Variants in KHDRBS2 observed in about 807,000 individuals in gnomAD.
KHDRBS2 encodes the protein KH RNA binding domain containing, signal transduction associated 2.
In KHDRBS2, 26 loss-of-function variants were observed where a neutral mutation model predicts 44.3. The observed-to-expected ratio is 0.59, with a 90% CI of 0.43 to 0.81. KHDRBS2 has a LOEUF of 0.81. Ranked by LOEUF, KHDRBS2 falls within the 40% of genes least tolerant of loss-of-function variation. The pLI is 0.00. For missense variants in KHDRBS2, 476 were observed against 433.1 expected, an observed-to-expected ratio of 1.10 and a Z score of -0.88; for synonymous variants, 194 against 151.1, an observed-to-expected ratio of 1.28 and a Z score of -2.08.
chr6:61,789,907 G>C (rs1403253205), intron 6 of KHDRBS2, among the ~76,000 whole-genome samples: 3 of 151,468 alleles, frequency 2.0e-5, no homozygotes, highest in East Asian at 3.9e-4. Flanking sequence ...ATAAAGTAAG[G>C]CTCAATTATT....
chr6:61,680,943 G>A lies in KHDRBS2; in HGVS notation c.*20C>T, dbSNP rs1766226792. On this transcript the variant is annotated 3_prime_UTR_variant, in exon 9 of 9. Transcript: ENST00000281156. ...GGCTATGAATTGTCTTTGAGGTGAG[G>A]TCACAGGTGGGAAGGACCTTCAATA... 4.6e-6 allele frequency: 7 copies of A among 1,511,924 alleles called. No individual in the cohort carries two copies. The South Asian group carries it at 7.9e-5, about 17-fold the overall frequency. 93.7% of individuals were successfully genotyped at this position (1,511,924 alleles called of 1,614,324 possible). A position where few individuals can be genotyped will look rare whatever the true frequency, so the allele number is the denominator to read the frequency against.
At position 62,137,455 on chromosome 6, in the gene KHDRBS2, C is replaced by T. The variant is rs375367278; in HGVS notation, c.219+39730G>A. On this transcript the variant is annotated intron_variant, in intron 2 of 8. Coordinates refer to ENST00000281156, the MANE Select transcript of KHDRBS2 (RefSeq NM_152688.4). ...TTTATTTAGAGCAGAATTATAAACA[C>T]AAGGTCTTCAGAGCCAATGCAATGA... 1.8e-4 allele frequency among the ~76,000 whole-genome samples: 27 copies of T among 152,238 alleles called. No individual in the cohort carries two copies. In the South Asian group the frequency reaches 5.0e-3, roughly 28 times the overall value.
intron 6 of KHDRBS2, among the ~76,000 whole-genome samples, chr6:61,839,663 A>G (rs1793286613): frequency 6.6e-6 from 1 of 152,128 alleles, no homozygotes. Flanking sequence ...CAGCAAAAAA[A>G]GATACAAAGT....
chr6:61,843,909 C>T (rs962549522), intron 6 of KHDRBS2, among the ~76,000 whole-genome samples: 8 of 152,064 alleles, frequency 5.3e-5, no homozygotes, highest in Non-Finnish European at 1.0e-4. Context: ...CTCTTTCTAT[C>T]GAATGAACCC....
chr6:62,211,568 G>A (rs1189297944), intron 1 of KHDRBS2, among the ~76,000 whole-genome samples: 2 of 152,150 alleles, frequency 1.3e-5, no homozygotes, highest in Admixed American at 1.3e-4. Context: ...CTAATTACTT[G>A]TGATGATGAT....
intron 5 of KHDRBS2, among the ~76,000 whole-genome samples, chr6:61,898,665 C>A (rs1480934914): frequency 2.0e-5 from 3 of 151,862 alleles, no homozygotes; most frequent in Non-Finnish European, 4.4e-5. Flanking sequence ...AGTGGGAGAA[C>A]TAGGATTTAG....
chr6:61,981,473 T>A (rs1296454798), intron 3 of KHDRBS2, among the ~76,000 whole-genome samples: 3 of 150,798 alleles, frequency 2.0e-5, no homozygotes, highest in African/African-American at 7.5e-5. Context: ...CTGAGTTTTT[T>A]TTTAATTTAT....
intron 2 of KHDRBS2, among the ~76,000 whole-genome samples, chr6:62,069,008 G>A (rs1584492372): frequency 6.6e-6 from 1 of 151,516 alleles, no homozygotes; most frequent in South Asian, 2.1e-4. Context: ...TGATTGGCTT[G>A]TAAATTTCTG....
At chr6:61,681,931 A>G (rs1766351480) in intron 8 of KHDRBS2, among the ~76,000 whole-genome samples, 1 of 151,898 alleles carries the variant, frequency 6.6e-6, no homozygotes, top group Non-Finnish European at 1.5e-5. Flanking sequence ...CAACTAGGTT[A>G]TTTTGGTCTC....
chr6:61,853,728 C>T (rs1320122999), intron 6 of KHDRBS2, among the ~76,000 whole-genome samples: 11 of 152,174 alleles, frequency 7.2e-5, no homozygotes, highest in Admixed American at 3.9e-4. Context: ...AAGATGAAAT[C>T]GTATTGCTCT....
At chr6:61,669,044 AG>A in the KHDRBS2 span, among the ~76,000 whole-genome samples, 1 of 150,904 alleles carries the variant, frequency 6.6e-6, no homozygotes, top group Admixed American at 6.6e-5. Flanking sequence ...ACCTCCACAA[AG>A]CCTAAATTCT....
intron 6 of KHDRBS2, among the ~76,000 whole-genome samples, chr6:61,891,590 T>G (rs1443745618): frequency 6.6e-6 from 1 of 152,032 alleles, no homozygotes. Flanking sequence ...GCAAGACTGG[T>G]TCAACATAAG....
At chr6:61,989,281 T>C (rs1775665150) in intron 3 of KHDRBS2, among the ~76,000 whole-genome samples, 1 of 152,294 alleles carries the variant, frequency 6.6e-6, no homozygotes, top group African/African-American at 2.4e-5. Flanking sequence ...TCATTGGAGA[T>C]AGCATCCCTG....
chr6:62,081,743 GT>G (rs552955930), intron 2 of KHDRBS2, among the ~76,000 whole-genome samples: 1 of 151,454 alleles, frequency 6.6e-6, no homozygotes, highest in Non-Finnish European at 1.5e-5. Context: ...CCTTTGTATT[GT>G]TTTTTTCATT....
At chr6:61,798,134 C>A (rs962902672) in intron 6 of KHDRBS2, among the ~76,000 whole-genome samples, 1 of 152,084 alleles carries the variant, frequency 6.6e-6, no homozygotes, top group Admixed American at 6.6e-5. Flanking sequence ...GTTTTCTGTT[C>A]TGCGTTAATT....
chr6:62,072,606 T>C (rs1795408210), intron 2 of KHDRBS2, among the ~76,000 whole-genome samples: 1 of 152,158 alleles, frequency 6.6e-6, no homozygotes, highest in South Asian at 2.1e-4. Context: ...AGTCATGTGG[T>C]TTTTGTCTTT....
At chr6:62,152,085 C>T (rs578033343) in intron 2 of KHDRBS2, among the ~76,000 whole-genome samples, 5 of 152,154 alleles carry the variant, frequency 3.3e-5, no homozygotes, top group African/African-American at 4.8e-5. Context: ...TTTGGGAGTC[C>T]GAGGCGGGAG....
chr6:61,606,899 G>T, the KHDRBS2 span, among the ~76,000 whole-genome samples: 19 of 152,238 alleles, frequency 1.2e-4, no homozygotes, highest in East Asian at 3.3e-3. Context: ...ATATTATGGG[G>T]TTTAATATTT....
chr6:61,768,329 A>G (rs533162434), intron 6 of KHDRBS2, among the ~76,000 whole-genome samples: 2 of 152,146 alleles, frequency 1.3e-5, no homozygotes, highest in African/African-American at 4.8e-5. Flanking sequence ...GTGTCTTGAG[A>G]TAGCCTCCTT....
Sources: gnomAD v4.1 joint callset for allele counts (sites outside exome capture counted in the v4.1 genomes callset) on GRCh38, gnomAD v4.1.1 for gene constraint, MANE v1.5 for transcripts, NCBI Gene and HGNC (gene_info 2026-07-23, HGNC 2026-07-21) for gene names.